The following GRID2 variants were observed in gnomAD, a reference collection of about 807,000 sequenced individuals.
GRID2 encodes glutamate receptor ionotropic, delta-2.
GRID2 carries 33 observed loss-of-function variants against 114.8 expected under a neutral mutation model. The ratio of observed to expected loss-of-function variants is 0.29; its 90% CI spans 0.22 to 0.38. The LOEUF (loss-of-function observed/expected upper bound fraction) is 0.38, where lower values mean the gene tolerates loss of function less well. Ranked by LOEUF, GRID2 falls within the 10% of genes least tolerant of loss-of-function variation. GRID2 has a pLI of 1.00. For missense variants in GRID2, 1,184 were observed against 1,257.7 expected (o/e 0.94, Z 0.89); for synonymous variants, 505 against 449.9 (o/e 1.12, Z -1.55).
intron 1 of GRID2, among the ~76,000 whole-genome samples, chr4:92,491,351 T>G (rs937669266): frequency 1.3e-5 from 2 of 152,254 alleles, no homozygotes; most frequent in African/African-American, 4.8e-5. Context: ...CGGTCCTGTT[T>G]TGTGCTGGAT....
At chr4:93,458,196 G>A (rs919993902) in intron 11 of GRID2, among the ~76,000 whole-genome samples, 15 of 152,160 alleles carry the variant, frequency 9.9e-5, no homozygotes, top group African/African-American at 1.7e-4. Flanking sequence ...AGTAGTATAC[G>A]TTTGGTTGAC....
chr4:93,067,621 C>G (rs1347208687), intron 2 of GRID2, among the ~76,000 whole-genome samples: 1 of 151,828 alleles, frequency 6.6e-6, no homozygotes, highest in Admixed American at 6.6e-5. Context: ...ACATTCAGAC[C>G]ATAGCACTTA....
chr4:93,121,976 A>G (rs1477320172), intron 4 of GRID2, among the ~76,000 whole-genome samples: 1 of 152,008 alleles, frequency 6.6e-6, no homozygotes, highest in Non-Finnish European at 1.5e-5. Flanking sequence ...TCCCCTCATG[A>G]TTTGTAGAAG....
At chr4:93,753,293 G>A (rs1732479883) in intron 14 of GRID2, among the ~76,000 whole-genome samples, 1 of 152,164 alleles carries the variant, frequency 6.6e-6, no homozygotes, top group South Asian at 2.1e-4. Flanking sequence ...CATACTCTGA[G>A]ATGTTCTCCC....
chr4:93,056,453 ATG>A (rs1411916491), intron 2 of GRID2, among the ~76,000 whole-genome samples: 1 of 151,878 alleles, frequency 6.6e-6, no homozygotes, highest in Non-Finnish European at 1.5e-5. Context: ...TTTCACTTTA[ATG>A]CTGCATAGAC....
chr4:93,094,424 T>A (rs1409925388), intron 3 of GRID2, among the ~76,000 whole-genome samples: 1 of 152,096 alleles, frequency 6.6e-6, no homozygotes, highest in East Asian at 1.9e-4. Flanking sequence ...TCATTCTTTA[T>A]TTTGGTTAAT....
intron 3 of GRID2, among the ~76,000 whole-genome samples, chr4:93,090,688 G>T (rs1730708172): frequency 6.6e-6 from 1 of 152,124 alleles, no homozygotes; most frequent in Non-Finnish European, 1.5e-5. Context: ...TACTTAAACA[G>T]TTGAAAATTT....
At chr4:92,817,724 T>C (rs113085292) in intron 2 of GRID2, among the ~76,000 whole-genome samples, 3 of 151,804 alleles carry the variant, frequency 2.0e-5, no homozygotes, top group African/African-American at 7.2e-5. Context: ...GGAGAGATGG[T>C]GTCTCACTAT....
chr4:92,903,754 T>C (rs574815479), intron 2 of GRID2, among the ~76,000 whole-genome samples: 30 of 152,108 alleles, frequency 2.0e-4, no homozygotes, highest in African/African-American at 7.2e-4. Context: ...TCTAAAAATG[T>C]CATCGAATTA....
intron 3 of GRID2, among the ~76,000 whole-genome samples, chr4:93,096,639 C>G (rs1301711918): frequency 6.6e-6 from 1 of 151,916 alleles, no homozygotes; most frequent in Non-Finnish European, 1.5e-5. Context: ...ATTTAAATTA[C>G]AAGGAGATGC....
rs564811105 is a variant in GRID2, at chr4:93,420,040, A to AT, written c.1348-2723dup. On this transcript the variant is annotated intron_variant, in intron 9 of 15. Transcript: ENST00000282020. ...ATTAAATTACTGATAAACATAGCCG[A>AT]TTTTTTTTGGTTTTGCAGGTCCTGA... is the stretch of plus-strand genomic sequence containing the variant. Among the ~76,000 whole-genome samples, 446 of 151,892 alleles carry AT rather than the reference A, an allele frequency of 2.9e-3. 2 individuals carry two copies. Among genetic ancestry groups the AT allele is most frequent in the South Asian group, 0.01 (50 of 4,806 alleles).
rs116718168 is a variant in GRID2 at position 93,423,253 on chromosome 4, A to G, written c.1545+285A>G. 7.4e-3 allele frequency among the ~76,000 whole-genome samples: 1,128 copies of G among 151,630 alleles called. 13 individuals carry two copies. The highest frequency in any genetic ancestry group is 0.026 in the African/African-American group (1,057 of 41,374). On this transcript the variant is annotated intron_variant, in intron 10 of 15. Coordinates refer to ENST00000282020, the MANE Select transcript of GRID2 (RefSeq NM_001510.4). The stretch of plus-strand genomic sequence containing the variant: ...AAGACCTTTTCTTTGCTCAACTTAT[A>G]CCCCAAAAACAGAAAGTGTATATGA...
Position 93,114,423 on chromosome 4 carries a change from A to G in GRID2, c.735+3470A>G, listed in dbSNP as rs531876011. ...CTTGGTCCCCAAACACATAAAATCT[A>G]TTATCTTTCCTTAAAGACTTTTCTG... On this transcript the variant is annotated intron_variant, in intron 4 of 15. Coordinates refer to ENST00000282020, the MANE Select transcript of GRID2 (RefSeq NM_001510.4). Among the ~76,000 whole-genome samples, 4 of 152,204 alleles carry G rather than the reference A, an allele frequency of 2.6e-5. No homozygotes were observed. In the East Asian group the frequency reaches 7.7e-4, roughly 29 times the overall value.
chr4:92,977,636 A>G (rs937840897), intron 2 of GRID2, among the ~76,000 whole-genome samples: 1 of 152,178 alleles, frequency 6.6e-6, no homozygotes, highest in Non-Finnish European at 1.5e-5. Context: ...CAATTGTAGG[A>G]AGCAGGAGTG....
intron 15 of GRID2, among the ~76,000 whole-genome samples, chr4:93,770,504 C>T (rs575806085): frequency 6.6e-6 from 1 of 152,184 alleles, no homozygotes; most frequent in South Asian, 2.1e-4. Context: ...TTCTTATCAC[C>T]TTATATGCAA....
chr4:93,011,517 C>T (rs1002192986), intron 2 of GRID2, among the ~76,000 whole-genome samples: 1 of 152,012 alleles, frequency 6.6e-6, no homozygotes, highest in Non-Finnish European at 1.5e-5. Context: ...CTTGGGCTTT[C>T]CAGGAGCCCC....
intron 1 of GRID2, among the ~76,000 whole-genome samples, chr4:92,355,769 G>A (rs999724487): frequency 2.0e-5 from 3 of 151,758 alleles, no homozygotes; most frequent in Admixed American, 2.0e-4. Flanking sequence ...GGGTTTGCCT[G>A]TTCTCTGGAA....
chr4:93,011,938 A>G (rs905628183), intron 2 of GRID2, among the ~76,000 whole-genome samples: 18 of 152,016 alleles, frequency 1.2e-4, no homozygotes, highest in Non-Finnish European at 1.9e-4. Context: ...TGTACTATAG[A>G]ACATAGACAA....
At chr4:93,732,780 T>A (rs1396392390) in intron 14 of GRID2, among the ~76,000 whole-genome samples, 1 of 152,170 alleles carries the variant, frequency 6.6e-6, no homozygotes, top group Admixed American at 6.5e-5. Flanking sequence ...ATTACAAAAA[T>A]GCTTTTGAAA....
Sources: allele counts gnomAD v4.1 joint callset (sites outside exome capture counted in the v4.1 genomes callset), GRCh38; gene constraint gnomAD v4.1.1; transcripts MANE v1.5; gene names NCBI Gene and HGNC (gene_info 2026-07-23, HGNC 2026-07-21).